The following MYO16 variants were observed in gnomAD, a reference collection of about 807,000 sequenced individuals.
The protein encoded by MYO16 is myosin XVI.
A neutral mutation model predicts 205.3 loss-of-function variants in MYO16; 94 were observed. That is an observed-to-expected ratio of 0.46 (90% CI 0.39 to 0.54). The LOEUF is 0.54. MYO16 is among the 20% of genes least tolerant of loss of function. The pLI is 0.00. For synonymous variants in MYO16, 988 were observed against 954.0 expected, an observed-to-expected ratio of 1.04 and a Z score of -0.66; for missense variants, 2,315 against 2,387.5, an observed-to-expected ratio of 0.97 and a Z score of 0.63.
At chr13:108,639,528 C>T (rs968320409) in intron 1 of MYO16, among the ~76,000 whole-genome samples, 2 of 152,176 alleles carry the variant, frequency 1.3e-5, no homozygotes, top group Non-Finnish European at 2.9e-5. Flanking sequence ...TGAATCTATG[C>T]TCTTCCTTCC....
Position 108,875,349 on chromosome 13 carries a change from A to G in MYO16, c.1426-7710A>G, listed in dbSNP as rs1027832077. On this transcript the variant is annotated intron_variant, in intron 12 of 34. Coordinates refer to ENST00000457511, the MANE Select transcript of MYO16 (RefSeq NM_001198950.3). ...GAGAAGGGTAACCAATAAAAAAGTT[A>G]GATGGCTTGTCAGTCACTCAGAAAA... 2.0e-5 allele frequency among the ~76,000 whole-genome samples: 3 copies of G among 152,198 alleles called. No homozygotes were observed. The South Asian group carries it at 6.2e-4, about 31-fold the overall frequency.
chr13:108,722,846 C>T (rs543787004), intron 3 of MYO16, among the ~76,000 whole-genome samples: 103 of 152,118 alleles, frequency 6.8e-4, no homozygotes, highest in Non-Finnish European at 1.3e-3. Flanking sequence ...TCAGTTCATA[C>T]GGTCAAGGCA....
In MYO16 at chr13:109,156,245, G is replaced by A. The variant is rs1010558613; in HGVS notation, c.5165-8656G>A. 6.6e-5 allele frequency among the ~76,000 whole-genome samples: 10 copies of A among 152,264 alleles called. 2 individuals carry two copies. In the South Asian group the frequency reaches 1.9e-3, roughly 28 times the overall value. ...GCACCATCTATGTGTATCTGCAAGC[G>A]CTGTCGAGCTGCGACTTCTAAATTT... On this transcript the variant is annotated intron_variant, in intron 32 of 34. Transcript: ENST00000457511.
intron 22 of MYO16, among the ~76,000 whole-genome samples, chr13:109,011,517 A>ATTTG (rs1203988236): frequency 1.5e-5 from 1 of 66,926 alleles, no homozygotes; most frequent in East Asian, 3.9e-4. Flanking sequence ...TTTTGTTGTT[A>ATTTG]TTTGTTTGTT....
chr13:109,173,516 A>G (rs889767803), intron 33 of MYO16, among the ~76,000 whole-genome samples: 1 of 152,186 alleles, frequency 6.6e-6, no homozygotes, highest in Non-Finnish European at 1.5e-5. Context: ...AGAAATGTGA[A>G]TCAGCTTCTC....
chr13:108,750,813 CA>C (rs74310259), intron 4 of MYO16, among the ~76,000 whole-genome samples: 4,952 of 151,324 alleles, frequency 0.033, 217 homozygotes, highest in East Asian at 0.21. Context: ...TCTCAAACAA[CA>C]AAAAAAATTC....
intron 1 of MYO16, among the ~76,000 whole-genome samples, chr13:108,621,322 A>T (rs1879533763): frequency 6.6e-6 from 1 of 152,162 alleles, no homozygotes; most frequent in African/African-American, 2.4e-5. Context: ...ATTCTATGGT[A>T]GTCCCCCCAC....
chr13:109,062,670 G>A (rs1887630075), intron 27 of MYO16, among the ~76,000 whole-genome samples: 1 of 152,060 alleles, frequency 6.6e-6, no homozygotes, highest in South Asian at 2.1e-4. Flanking sequence ...ATCAGTTTCT[G>A]TAGAAACTGA....
intron 1 of MYO16, among the ~76,000 whole-genome samples, chr13:108,601,531 T>C (rs1566499217): frequency 6.8e-6 from 1 of 147,766 alleles, no homozygotes; most frequent in African/African-American, 2.4e-5. Flanking sequence ...TATTTCTTTT[T>C]AAATATGACA....
At chr13:108,518,182 A>G in the MYO16 span, among the ~76,000 whole-genome samples, 1 of 152,196 alleles carries the variant, frequency 6.6e-6, no homozygotes. Flanking sequence ...AGGGTAGAAA[A>G]ATATAGTAGC....
intron 1 of MYO16, among the ~76,000 whole-genome samples, chr13:108,601,017 C>T (rs1594135425): frequency 6.6e-6 from 1 of 152,134 alleles, no homozygotes. Flanking sequence ...GTCCTTTTTA[C>T]TTGAGGGCTT....
the MYO16 span, among the ~76,000 whole-genome samples, chr13:108,574,122 C>T: frequency 3.9e-5 from 6 of 152,126 alleles, no homozygotes; most frequent in Non-Finnish European, 7.4e-5. Context: ...TAAAGTGCTG[C>T]GATTACAGGC....
chr13:108,757,669 C>T (rs1193315302), intron 4 of MYO16, among the ~76,000 whole-genome samples: 1 of 152,082 alleles, frequency 6.6e-6, no homozygotes, highest in African/African-American at 2.4e-5. Context: ...GTGATGTTCC[C>T]CTTCCTGTGT....
chr13:108,574,223 G>A, the MYO16 span, among the ~76,000 whole-genome samples: 2 of 152,056 alleles, frequency 1.3e-5, no homozygotes, highest in Non-Finnish European at 2.9e-5. Context: ...TGCTAATGAC[G>A]TCCTTCATGA....
chr13:108,822,582 T>C (rs1215858268), intron 8 of MYO16, among the ~76,000 whole-genome samples: 2 of 152,310 alleles, frequency 1.3e-5, no homozygotes, highest in Admixed American at 6.5e-5. Flanking sequence ...ATGTGTAATT[T>C]GTAAGGAAAT....
At chr13:109,028,457 GT>G in intron 23 of MYO16, 1 of 248,026 alleles carries the variant, frequency 4.0e-6, no homozygotes, top group Non-Finnish European at 8.1e-6. Flanking sequence ...AGGGAATTTT[GT>G]AAAAAAAATA....
intron 32 of MYO16, among the ~76,000 whole-genome samples, chr13:109,146,631 A>AG (rs912734986): frequency 1.3e-5 from 2 of 151,920 alleles, no homozygotes; most frequent in African/African-American, 4.8e-5. Flanking sequence ...TACAAAAAAA[A>AG]CAATAATGAT....
chr13:109,138,966 G>A lies in MYO16; in HGVS notation c.4052-1298G>A, dbSNP rs546971162. Among the ~76,000 whole-genome samples the A allele has an allele frequency of 1.5e-3, 234 of 151,998 alleles. 1 individual carries two copies. The highest frequency in any genetic ancestry group is 5.2e-3 in the African/African-American group (217 of 41,438). On this transcript the variant is annotated intron_variant, in intron 31 of 34. Coordinates refer to ENST00000457511, the MANE Select transcript of MYO16 (RefSeq NM_001198950.3). ...CCCGAGTAGCTGGGACTACAGGCGC[G>A]TGCCACCTCGCCCAGCTAATTTTTT... is the stretch of plus-strand genomic sequence containing the variant.
chr13:108,861,501 C>T (rs1254307012), intron 11 of MYO16, among the ~76,000 whole-genome samples: 2 of 151,928 alleles, frequency 1.3e-5, no homozygotes, highest in Admixed American at 6.6e-5. Context: ...TATTTTTTGG[C>T]CCACATAAGT....
Sources: gnomAD v4.1 joint callset for allele counts (sites outside exome capture counted in the v4.1 genomes callset) on GRCh38, gnomAD v4.1.1 for gene constraint, MANE v1.5 for transcripts, NCBI Gene and HGNC (gene_info 2026-07-23, HGNC 2026-07-21) for gene names.